EDA: variants seen among roughly 807,000 people sequenced by gnomAD.
The protein encoded by EDA is ectodysplasin-A.
In EDA, 2 loss-of-function variants were observed where a neutral mutation model predicts 23.6. That is an observed-to-expected ratio of 0.08 (90% confidence interval 0.03 to 0.27). The LOEUF (loss-of-function observed/expected upper bound fraction) is 0.27. Among genes scored for constraint, EDA ranks in the 10% least tolerant of loss-of-function variants. EDA has a pLI of 1.00. For synonymous variants in EDA, 131 were observed against 132.0 expected, an observed-to-expected ratio of 0.99 and a Z score of 0.05; for missense variants, 229 against 324.2, an observed-to-expected ratio of 0.71 and a Z score of 2.26.
intron 1 of EDA, among the ~76,000 whole-genome samples, chrX:69,825,378 C>T (rs1653356095): frequency 9.2e-6 from 1 of 108,292 alleles, no homozygotes; most frequent in Admixed American, 1.0e-4. Context: ...ATTTCAGCTC[C>T]TGTTATTGGT....
At chrX:69,636,269 T>G (rs1240878006) in intron 1 of EDA, among the ~76,000 whole-genome samples, 1 of 109,790 alleles carries the variant, frequency 9.1e-6, no homozygotes, top group East Asian at 2.9e-4. Context: ...TTGCTCCCTT[T>G]CTCACCATGT....
chrX:69,680,854 T>A (rs1174275886), intron 1 of EDA, among the ~76,000 whole-genome samples: 3 of 104,414 alleles, frequency 2.9e-5, no homozygotes, highest in Admixed American at 2.1e-4. Flanking sequence ...GTGAATTTGA[T>A]CCTGTCATTA....
At chrX:69,650,437 G>T (rs979891881) in intron 1 of EDA, among the ~76,000 whole-genome samples, 4 of 111,312 alleles carry the variant, frequency 3.6e-5, no homozygotes, top group Non-Finnish European at 5.7e-5. Flanking sequence ...AGGGAGAGGG[G>T]TCACGAAGAG....
At chrX:69,833,052 C>G (rs1302830055) in intron 1 of EDA, among the ~76,000 whole-genome samples, 3 of 111,185 alleles carry the variant, frequency 2.7e-5, no homozygotes, top group African/African-American at 9.8e-5. Context: ...GCCTGATTGC[C>G]CTGGCCAGAA....
At chrX:69,723,660 A>T (rs1197952416) in intron 1 of EDA, among the ~76,000 whole-genome samples, 1 of 111,652 alleles carries the variant, frequency 9.0e-6, no homozygotes, top group Non-Finnish European at 1.9e-5. Context: ...TAATCTTTTT[A>T]ATCTTGGTAA....
chrX:69,941,763 T>G (rs1299824104), intron 1 of EDA, among the ~76,000 whole-genome samples: 1 of 111,521 alleles, frequency 9.0e-6, no homozygotes, highest in Non-Finnish European at 1.9e-5. Flanking sequence ...AAGATTTTAG[T>G]CCATTTACAC....
chrX:69,714,958 C>A (rs2012258782), intron 1 of EDA, among the ~76,000 whole-genome samples: 2 of 110,213 alleles, frequency 1.8e-5, no homozygotes, highest in South Asian at 7.8e-4. Context: ...TTATAGTAAA[C>A]CTGTGGATCA....
At chrX:69,957,203 C>A in intron 2 of EDA, 71 bp downstream of exon 2, 1 of 1,029,224 alleles carries the variant, frequency 9.7e-7, no homozygotes, top group Non-Finnish European at 1.4e-6. Context: ...TTAAGAACTA[C>A]CTTCTTGGTA....
At chrX:69,629,253 C>A (rs780449656) in intron 1 of EDA, among the ~76,000 whole-genome samples, 2 of 111,936 alleles carry the variant, frequency 1.8e-5, no homozygotes, top group Admixed American at 1.9e-4. Context: ...GAAGAATGTT[C>A]TTTCCTCCAA....
At chrX:69,767,463 A>G (rs1444561744) in intron 1 of EDA, among the ~76,000 whole-genome samples, 1 of 110,917 alleles carries the variant, frequency 9.0e-6, no homozygotes, top group African/African-American at 3.3e-5. Flanking sequence ...AAATGGATTC[A>G]TAGAGTATGA....
At chrX:69,755,717 T>A (rs1460706903) in intron 1 of EDA, among the ~76,000 whole-genome samples, 1 of 112,641 alleles carries the variant, frequency 8.9e-6, no homozygotes, top group East Asian at 2.8e-4. Context: ...TCCACCCTGT[T>A]GGAGCTTCCC....
intron 1 of EDA, among the ~76,000 whole-genome samples, chrX:69,636,577 T>C (rs1424760771): frequency 9.2e-6 from 1 of 108,832 alleles, no homozygotes; most frequent in Non-Finnish European, 1.9e-5. Context: ...TATGACTATG[T>C]CCACAATGCC....
chrX:69,721,373 C>A (rs766213783), intron 1 of EDA, among the ~76,000 whole-genome samples: 1 of 111,828 alleles, frequency 8.9e-6, no homozygotes, highest in African/African-American at 3.3e-5. Flanking sequence ...TCTTTCCTAA[C>A]GTGTTTGAGT....
At position 69,994,430 on chromosome X, in the gene EDA, T is replaced by A. The variant is rs762885550; in HGVS notation, c.503-28788T>A. ...ACAGCTCCCTGCTAGATGACCCTGA[T>A]GCAGCAACCCTAATGCCATTGTTCT... On this transcript the variant is annotated intron_variant, in intron 2 of 7. Coordinates refer to ENST00000374552, the MANE Select transcript of EDA (RefSeq NM_001399.5). Among the ~76,000 whole-genome samples the A allele has an allele frequency of 6.2e-5, 7 of 112,345 alleles. No homozygotes were observed. The South Asian group carries it at 2.6e-3, about 42-fold the overall frequency.
chrX:69,730,782 A>G (rs186854773), intron 1 of EDA, among the ~76,000 whole-genome samples: 114 of 112,317 alleles, frequency 1.0e-3, no homozygotes, highest in African/African-American at 3.5e-3. Context: ...AAAAATATGC[A>G]TTACACTTAG....
rs192601802 is a variant in EDA at position 69,969,281 on chromosome X, G to A, written c.502+12149G>A. Among the ~76,000 whole-genome samples the A allele has an allele frequency of 6.0e-3, 670 of 112,228 alleles. 1 individual carries two copies. Among genetic ancestry groups the A allele is most frequent in the Non-Finnish European group, 9.3e-3 (493 of 53,205 alleles). On this transcript the variant is annotated intron_variant, in intron 2 of 7. Coordinates refer to ENST00000374552, the MANE Select transcript of EDA (RefSeq NM_001399.5). Reference sequence around the variant, plus strand: ...TTGACTTGGTAATTTGCTATGTTTCGATCCTAATCTGTTTAGAAATATGAT... The same window carrying A: ...TTGACTTGGTAATTTGCTATGTTTCAATCCTAATCTGTTTAGAAATATGAT...
intron 1 of EDA, among the ~76,000 whole-genome samples, chrX:69,779,182 C>T (rs2014870938): frequency 9.0e-6 from 1 of 111,234 alleles, no homozygotes; most frequent in African/African-American, 3.3e-5. Context: ...AAGGTATATA[C>T]CCAAAAGAAT....
intron 2 of EDA, among the ~76,000 whole-genome samples, chrX:69,979,161 G>A (rs2019366038): frequency 9.0e-6 from 1 of 111,681 alleles, no homozygotes; most frequent in Admixed American, 9.5e-5. Context: ...TACAATATTT[G>A]TCCCTTTGTG....
chrX:69,653,552 C>T (rs758169435), intron 1 of EDA, among the ~76,000 whole-genome samples: 6 of 111,221 alleles, frequency 5.4e-5, no homozygotes, highest in African/African-American at 2.0e-4. Flanking sequence ...CTATCTTGTG[C>T]CCGTTTTCAA....
Sources: allele counts gnomAD v4.1 joint callset (sites outside exome capture counted in the v4.1 genomes callset), GRCh38; gene constraint gnomAD v4.1.1; transcripts MANE v1.5; gene names NCBI Gene and HGNC (gene_info 2026-07-23, HGNC 2026-07-21).